The following ANKRD50 variants were observed in gnomAD, a reference collection of about 807,000 sequenced individuals.
ANKRD50 encodes ankyrin repeat domain 50.
ANKRD50 carries 40 observed loss-of-function variants against 112.0 expected under a neutral mutation model. The ratio of observed to expected loss-of-function variants is 0.36; its 90% CI spans 0.28 to 0.46. The LOEUF (loss-of-function observed/expected upper bound fraction) is 0.46. Ranked by LOEUF, ANKRD50 falls within the 20% of genes least tolerant of loss-of-function variation. The pLI is 1.00. For missense variants in ANKRD50, 1,487 were observed against 1,701.7 expected, an observed-to-expected ratio of 0.87 and a Z score of 2.22; for synonymous variants, 613 against 619.1, an observed-to-expected ratio of 0.99 and a Z score of 0.15.
intron 2 of ANKRD50, among the ~76,000 whole-genome samples, chr4:124,707,827 A>G (rs2110529995): frequency 6.6e-6 from 1 of 152,282 alleles, no homozygotes; most frequent in African/African-American, 2.4e-5. Context: ...AGAATCACAC[A>G]GGAAAAAGAA....
In ANKRD50 at chr4:124,669,468, C is replaced by G; in HGVS notation, c.3809G>C (p.Gly1270Ala). Residue 1270 changes from glycine (G) to alanine (A), a missense_variant, in exon 4 of 5, where the codon GGG (glycine) becomes GCG (alanine). By Grantham distance (60) the Gly-to-Ala change is moderately conservative (BLOSUM62 0). Transcript: ENST00000504087. ...PSLKSTKASK[G>A]GKSENSAKSG... ...CTTGGCAGAATTTTCTGATTTCCCC[C>G]CTTTACTTGCTTTAGTTGACTTCAA... is the stretch of plus-strand genomic sequence containing the variant. 6.2e-7 allele frequency: 1 copy of G among 1,612,278 alleles called. No homozygotes were observed. Among genetic ancestry groups the G allele is most frequent in the South Asian group, 1.1e-5 (1 of 90,524 alleles).
chr4:124,678,609 T>C (rs184283365), intron 3 of ANKRD50, 67 bp downstream of exon 3: 12 of 1,435,262 alleles, frequency 8.4e-6, no homozygotes, highest in East Asian at 2.3e-5. Flanking sequence ...ACTGCATACT[T>C]TTTCCTCTAA....
intron 3 of ANKRD50, among the ~76,000 whole-genome samples, chr4:124,675,928 A>T (rs541202768): frequency 8.6e-5 from 13 of 151,804 alleles, no homozygotes; most frequent in Non-Finnish European, 1.5e-4. Flanking sequence ...TAGTGAATAC[A>T]TCAGAAAAGT....
chr4:124,712,460 C>G lies in ANKRD50; in HGVS notation c.-766G>C, dbSNP rs951840207. On this transcript the variant is annotated splice_region_variant and 5_prime_UTR_variant, in exon 1 of 5. Transcript: ENST00000504087. ...CGCCGCCGCCGCCCCCCGGTTACCTCGGCCCCAGCCGCCGCCGTGGCCGCC... is the reference window on the plus strand; with the variant it reads ...CGCCGCCGCCGCCCCCCGGTTACCTGGGCCCCAGCCGCCGCCGTGGCCGCC... 5 of 158,006 alleles carry G rather than the reference C, an allele frequency of 3.2e-5. No individual in the cohort carries two copies. Among genetic ancestry groups the G allele is most frequent in the Non-Finnish European group, 5.5e-5 (4 of 72,748 alleles). The allele number at this position is 158,006 out of a possible 1,614,324, so 9.8% of individuals were successfully genotyped here.
At chr4:124,709,375 G>A (rs1170872532) in intron 2 of ANKRD50, among the ~76,000 whole-genome samples, 5 of 151,992 alleles carry the variant, frequency 3.3e-5, no homozygotes, top group Admixed American at 1.3e-4. Flanking sequence ...GCTGAAGTTA[G>A]GAAAAAACAC....
chr4:124,705,071 G>GT (rs1474037664), intron 2 of ANKRD50, among the ~76,000 whole-genome samples: 12 of 151,398 alleles, frequency 7.9e-5, no homozygotes, highest in African/African-American at 2.4e-4. Context: ...TCCAGCCTGG[G>GT]TAACAGAGCA....
chr4:124,690,583 T>C (rs972310589), intron 2 of ANKRD50, among the ~76,000 whole-genome samples: 7 of 152,188 alleles, frequency 4.6e-5, no homozygotes, highest in Non-Finnish European at 7.4e-5. Flanking sequence ...AAATAATCAG[T>C]TATTTAAAAT....
rs1725618552 is a variant in ANKRD50, at chr4:124,711,053, C to T, written c.-542G>A. The T allele has an allele frequency of 3.3e-6, 1 of 299,336 alleles. No individual in the cohort carries two copies. Among genetic ancestry groups the T allele is most frequent in the Non-Finnish European group, 6.1e-6 (1 of 164,334 alleles). The allele number at this position is 299,336 out of a possible 1,614,324, so 18.5% of individuals were successfully genotyped here. A position where few individuals can be genotyped will look rare whatever the true frequency, so the allele number is the denominator to read the frequency against. On this transcript the variant is annotated 5_prime_UTR_variant, in exon 2 of 5. The change creates a new upstream start codon in the 5' untranslated region. Transcript: ENST00000504087. ...TGTATTTCTCGTTGAAGGATGATCA[C>T]TCAAGAGTACTAGATCGTGCCAGTT...
intron 1 of ANKRD50, 60 bp downstream of exon 1, chr4:124,712,398 C>A (rs1405201024): frequency 6.5e-6 from 1 of 154,260 alleles, no homozygotes; most frequent in African/African-American, 2.4e-5. Flanking sequence ...GCCTCGGCCT[C>A]CCAGCTTCCA....
rs1236221416 is a variant in ANKRD50 at position 124,666,342 on chromosome 4, GA to G, written c.*1175del. On this transcript the variant is annotated 3_prime_UTR_variant, in exon 5 of 5. Transcript: ENST00000504087. Reference sequence around the variant, plus strand: ...GAAAACAGGAAAGAGTATGAGGATAGAAAAGTGCAAATCCATCACTATTAAG... The same window carrying G: ...GAAAACAGGAAAGAGTATGAGGATAGAAAGTGCAAATCCATCACTATTAAG... 1.3e-5 allele frequency: 2 copies of G among 152,444 alleles called. No homozygotes were observed. Among genetic ancestry groups the G allele is most frequent in the East Asian group, 3.9e-4 (2 of 5,186 alleles). 9.4% of individuals were successfully genotyped at this position (152,444 alleles called of 1,614,324 possible). A position where few individuals can be genotyped will look rare whatever the true frequency, so the allele number is the denominator to read the frequency against.
chr4:124,699,177 A>T (rs1046948673), intron 2 of ANKRD50, among the ~76,000 whole-genome samples: 1 of 151,948 alleles, frequency 6.6e-6, no homozygotes, highest in African/African-American at 2.4e-5. Context: ...TGAATTAGAA[A>T]GGATACCCAG....
At chr4:124,681,444 G>C (rs970858368) in intron 2 of ANKRD50, among the ~76,000 whole-genome samples, 1 of 152,112 alleles carries the variant, frequency 6.6e-6, no homozygotes, top group African/African-American at 2.4e-5. Flanking sequence ...GACATTCCCA[G>C]TTTCAAGTAC....
At chr4:124,676,313 T>C (rs1378633230) in intron 3 of ANKRD50, among the ~76,000 whole-genome samples, 1 of 151,644 alleles carries the variant, frequency 6.6e-6, no homozygotes, top group Non-Finnish European at 1.5e-5. Context: ...AAATATGCTA[T>C]TACAACCTAG....
chr4:124,701,571 G>A (rs1213746904), intron 2 of ANKRD50, among the ~76,000 whole-genome samples: 1 of 152,102 alleles, frequency 6.6e-6, no homozygotes, highest in Non-Finnish European at 1.5e-5. Context: ...TCGAGATTAG[G>A]TTAGCATAAT....
intron 2 of ANKRD50, among the ~76,000 whole-genome samples, chr4:124,705,097 A>AAAACAAAC (rs562473438): frequency 1.4e-5 from 2 of 145,208 alleles, no homozygotes; most frequent in Non-Finnish European, 3.0e-5. Flanking sequence ...CCATCTCAAA[A>AAAACAAAC]AAACAAACAA....
chr4:124,669,499 G>C lies in ANKRD50; in HGVS notation c.3778C>G (p.Pro1260Ala). Residue 1260 changes from proline to alanine, a missense_variant, in exon 4 of 5, where the codon CCC becomes GCC. This residue lies in a region of ANKRD50 where 441 missense variants were observed against 432.2 expected (regional missense o/e 1.02). Coordinates refer to ENST00000504087, the MANE Select transcript of ANKRD50 (RefSeq NM_020337.3). ...CTTGCTTTAGTTGACTTCAAACTGGGCTTTACTTGACTCCACTCAAATTCA... is the reference window on the plus strand; with the variant it reads ...CTTGCTTTAGTTGACTTCAAACTGGCCTTTACTTGACTCCACTCAAATTCA... Reference protein sequence around the residue: ...SSEFEWSQVKPSLKSTKASKG... With the variant: ...SSEFEWSQVKASLKSTKASKG... The C allele has an allele frequency of 6.2e-7, 1 of 1,612,852 alleles. No individual in the cohort carries two copies.
chr4:124,686,620 C>T (rs1725013200), intron 2 of ANKRD50, among the ~76,000 whole-genome samples: 3 of 152,106 alleles, frequency 2.0e-5, no homozygotes, highest in South Asian at 4.1e-4. Context: ...CAGCCTACAG[C>T]AACGGGATGG....
Position 124,670,143 on chromosome 4 carries a change from C to T in ANKRD50, c.3134G>A (p.Gly1045Asp). Reference protein sequence around the residue: ...GAVVDHTCNQGATALCIAAQE... With the variant: ...GAVVDHTCNQDATALCIAAQE... ...GGCTGCAATACAGAGTGCAGTTGCA[C>T]CTTGGTTACATGTATGGTCAACTAC... Residue 1045 changes from glycine (G) to aspartate (D), a missense_variant, in exon 4 of 5, where the codon GGT becomes GAT. Around this residue, in one of 2 missense-constraint regions of ANKRD50, gnomAD observed 1,046 missense variants for 1,269.5 expected, o/e 0.82. Transcript: ENST00000504087. 6.2e-7 allele frequency: 1 copy of T among 1,612,306 alleles called. No individual in the cohort carries two copies. Among genetic ancestry groups the T allele is most frequent in the Non-Finnish European group, 8.5e-7 (1 of 1,179,524 alleles).
intron 2 of ANKRD50, among the ~76,000 whole-genome samples, chr4:124,700,318 T>C (rs1375880157): frequency 6.6e-6 from 1 of 152,212 alleles, no homozygotes; most frequent in Non-Finnish European, 1.5e-5. Flanking sequence ...ATGTAGAGCT[T>C]AGGTTTTATT....
Sources: allele counts gnomAD v4.1 joint callset (sites outside exome capture counted in the v4.1 genomes callset), GRCh38; gene constraint gnomAD v4.1.1; regional missense constraint gnomAD v4.1.1; transcripts MANE v1.5; gene names NCBI Gene and HGNC (gene_info 2026-07-23, HGNC 2026-07-21).